Variants in ARHGAP9 observed in about 807,000 individuals in gnomAD.
ARHGAP9 encodes the protein Rho GTPase activating protein 9.
ARHGAP9 carries 76 observed loss-of-function variants against 87.3 expected under a neutral mutation model. That is an observed-to-expected ratio of 0.87 (90% CI 0.72 to 1.05). ARHGAP9 has a LOEUF of 1.05. Ranked by LOEUF, ARHGAP9 falls within the 50% of genes least tolerant of loss-of-function variation. The pLI, the probability that ARHGAP9 is intolerant of heterozygous loss-of-function variation, is 0.00. For missense variants in ARHGAP9, 941 were observed against 960.5 expected (o/e 0.98, Z 0.27); for synonymous variants, 382 against 394.9 (o/e 0.97, Z 0.39).
chr12:57,481,445 G>T (rs472895), upstream of ARHGAP9, among the ~76,000 whole-genome samples: 1 of 151,806 alleles, frequency 6.6e-6, no homozygotes, highest in Non-Finnish European at 1.5e-5. Flanking sequence ...TACAGACAGG[G>T]TTTCACTATG....
exon 1 of ARHGAP9, chr12:57,488,662 G>T: frequency 6.5e-7 from 1 of 1,549,748 alleles, no homozygotes; most frequent in South Asian, 1.2e-5. Flanking sequence ...AGGTTCTCTT[G>T]TAAGTCTTCT....
rs113026492 is a variant in ARHGAP9 at position 57,473,604 on chromosome 12, T to G, written c.2023A>C (p.Arg675=). Residue 675 remains arginine, a splice_region_variant and synonymous_variant, in exon 17 of 18, where the codon AGG becomes CGG. Transcript: ENST00000393791. ...ACAAAGAGGTTCTGTCTTCCTGACC[T>G]GCATAAATGCTCCAGGAGGTACCGT... The part of the protein sequence containing the change: ...TLRYLLEHLC[R]VIAHSDKNRM... The G allele has an allele frequency of 3.7e-6, 6 of 1,611,878 alleles. No homozygotes were observed. The highest frequency in any genetic ancestry group is 5.1e-6 in the Non-Finnish European group (6 of 1,178,056).
chr12:57,488,663 T>TA, exon 1 of ARHGAP9: 1 of 1,549,868 alleles, frequency 6.5e-7, no homozygotes, highest in Non-Finnish European at 8.7e-7. Context: ...GGTTCTCTTG[T>TA]AAGTCTTCTC....
intron 1 of ARHGAP9, among the ~76,000 whole-genome samples, chr12:57,485,554 C>G (rs11172230): frequency 7.9e-4 from 15 of 19,056 alleles, no homozygotes; most frequent in African/African-American, 2.1e-3. Context: ...AAGACTCCAT[C>G]TGAAAAAAAA....
chr12:57,488,209 C>G (rs1382602523), intron 1 of ARHGAP9: 4 of 1,604,196 alleles, frequency 2.5e-6, no homozygotes, highest in Non-Finnish European at 3.4e-6. Flanking sequence ...GGTACTCGTG[C>G]TGGTGCTGGT....
rs376421872 is a variant in ARHGAP9, at chr12:57,474,473, C to T, written c.1733G>A (p.Arg578His). 9.3e-6 allele frequency: 15 copies of T among 1,614,180 alleles called. No individual in the cohort carries two copies. The highest frequency in any genetic ancestry group is 3.3e-5 in the Admixed American group (2 of 60,014). ...QKLRFLVDRE[R>H]AVTSDGRYVF... ...ATACCTCCCATCGGAGGTGACCGCA[C>T]GCTCTGCAACATGAATGAGGAGAGA... is the stretch of plus-strand genomic sequence containing the variant. Residue 578 changes from arginine (R) to histidine (H), a missense_variant, in exon 15 of 18, where the codon CGT (arginine) becomes CAT (histidine). Arg to His is a conservative substitution (Grantham distance 29). Transcript: ENST00000393791.
intron 7 of ARHGAP9, 32 bp downstream of exon 7, chr12:57,476,558 G>A: frequency 1.2e-6 from 2 of 1,613,976 alleles, no homozygotes; most frequent in Non-Finnish European, 1.7e-6. Context: ...GGAGTTGACA[G>A]CCCAGGCCCT....
chr12:57,474,034 A>T lies in ARHGAP9; in HGVS notation c.1918+8T>A, dbSNP rs1872720328. ...ATCAAGGGTTCTTTCCAAAGCTCCA[A>T]CCCTTACCAAGGGCAGCACGGAAAT... On this transcript the variant is annotated splice_region_variant and intron_variant, in intron 16 of 17. Transcript: ENST00000393791. The T allele has an allele frequency of 3.1e-6, 5 of 1,612,838 alleles. No individual in the cohort carries two copies. Among genetic ancestry groups the T allele is most frequent in the Non-Finnish European group, 3.4e-6 (4 of 1,179,400 alleles).
At chr12:57,485,375 A>G (rs188738163) in intron 1 of ARHGAP9, among the ~76,000 whole-genome samples, 1 of 151,584 alleles carries the variant, frequency 6.6e-6, no homozygotes. Flanking sequence ...GGCCAACATG[A>G]TGAAACCCCG....
chr12:57,475,019 C>CA (rs1447198924), intron 12 of ARHGAP9, 46 bp from the exon 13 acceptor site: 1 of 1,579,182 alleles, frequency 6.3e-7, no homozygotes, highest in Non-Finnish European at 8.7e-7. Context: ...GCGTCACTCA[C>CA]AGGAGCTCTT....
Position 57,478,624 on chromosome 12 carries a change from G to A in ARHGAP9, c.450C>T (p.Pro150=). The stretch of plus-strand genomic sequence containing the variant: ...CTTCCTGGAAAGGCTTCAGAAGGCT[G>A]GGGCTCAGATTGTCAGTGCTGACGC... ...CRSVSTDNLS[P]SLLKPFQEGP... is the part of the protein sequence containing the mutation. The change falls in exon 3 of 18, where the codon CCC becomes CCT. Residue 150 remains proline, a synonymous_variant. Transcript: ENST00000393791. 1 of 1,614,118 alleles carries A rather than the reference G, an allele frequency of 6.2e-7. No homozygotes were observed. The highest frequency in any genetic ancestry group is 8.5e-7 in the Non-Finnish European group (1 of 1,180,020).
At chr12:57,486,656 C>T (rs1212001249) in intron 1 of ARHGAP9, among the ~76,000 whole-genome samples, 6 of 142,158 alleles carry the variant, frequency 4.2e-5, no homozygotes, top group Admixed American at 3.5e-4. Flanking sequence ...GAGGCTGAGG[C>T]GGGCGGATCA....
Position 57,476,464 on chromosome 12 carries a change from C to A in ARHGAP9, c.1026-10G>T. ...CGGGCCCCAGTTCTTCCTGCGGGGACAGAGAGGGGAGGTAGTGGTAGCGAA... is the reference window on the plus strand; with the variant it reads ...CGGGCCCCAGTTCTTCCTGCGGGGAAAGAGAGGGGAGGTAGTGGTAGCGAA... On this transcript the variant is annotated splice_polypyrimidine_tract_variant and intron_variant, in intron 7 of 17. Coordinates refer to ENST00000393791, the MANE Select transcript of ARHGAP9 (RefSeq NM_032496.4). The A allele has an allele frequency of 6.2e-7, 1 of 1,613,958 alleles. No individual in the cohort carries two copies. Among genetic ancestry groups the A allele is most frequent in the Non-Finnish European group, 8.5e-7 (1 of 1,179,986 alleles).
chr12:57,475,974 T>C, intron 9 of ARHGAP9, 43 bp from the exon 10 acceptor site: 1 of 1,578,370 alleles, frequency 6.3e-7, no homozygotes, highest in Non-Finnish European at 8.6e-7. Flanking sequence ...CGGGAAGGAG[T>C]ATAATAAGCA....
intron 7 of ARHGAP9, 65 bp from the exon 8 acceptor site, chr12:57,476,519 T>C: frequency 6.2e-7 from 1 of 1,612,114 alleles, no homozygotes; most frequent in Non-Finnish European, 8.5e-7. Flanking sequence ...ACGAGGAGGG[T>C]GCTCTTCCAA....
exon 1 of ARHGAP9, chr12:57,488,621 T>A (rs1430339113): frequency 6.4e-7 from 1 of 1,550,972 alleles, no homozygotes; most frequent in African/African-American, 1.4e-5. Context: ...CCTCTTCTCA[T>A]TCTCAGCCGA....
chr12:57,477,261 G>C lies in ARHGAP9; in HGVS notation c.765C>G (p.Gly255=), dbSNP rs766538599. 1.3e-6 allele frequency: 2 copies of C among 1,568,646 alleles called. No homozygotes were observed. Among genetic ancestry groups the C allele is most frequent in the Non-Finnish European group, 1.7e-6 (2 of 1,157,472 alleles). Residue 255 remains glycine, a synonymous_variant, in exon 5 of 18, where the codon GGC becomes GGG. Coordinates refer to ENST00000393791, the MANE Select transcript of ARHGAP9 (RefSeq NM_032496.4). ...PRRSRSETNP[G]SMEGTQTLKR... is the part of the protein sequence containing the mutation. ...TCAGGGTCTGTGTCCCCTCCATGGA[G>C]CCAGGGTTCTGGGTTAGGGGAGGAG...
chr12:57,477,162 G>A lies in ARHGAP9; in HGVS notation c.864C>T (p.Asp288=), dbSNP rs1170931218. The A allele has an allele frequency of 5.6e-6, 9 of 1,613,448 alleles. No homozygotes were observed. Among genetic ancestry groups the A allele is most frequent in the Non-Finnish European group, 7.6e-6 (9 of 1,179,684 alleles). Residue 288 remains aspartate, a synonymous_variant, in exon 5 of 18, where the codon GAC becomes GAT. Transcript: ENST00000393791. ...RSDTGTPEPL[D]PQGSLSLSQR... ...GAGATGGGAGGGATCTCACCTGTGG[G>A]TCAAGCGGTTCTGGGGTCCCTGTGT...
Position 57,478,729 on chromosome 12 carries a change from C to T in ARHGAP9, c.345G>A (p.Glu115=), listed in dbSNP as rs758737661. 2 of 1,610,702 alleles carry T rather than the reference C, an allele frequency of 1.2e-6. No homozygotes were observed. Among genetic ancestry groups the T allele is most frequent in the East Asian group, 2.2e-5 (1 of 44,772 alleles). Residue 115 remains glutamate (E), a synonymous_variant, in exon 3 of 18, where the codon GAG becomes GAA. Coordinates refer to ENST00000393791, the MANE Select transcript of ARHGAP9 (RefSeq NM_032496.4). ...TGCTTGGGAGGGCCTGAGACAACTC[C>T]TCCAGGGAACCATGAAACAACTTCG... ...PGPKLFHGSL[E]ELSQALPSRA... is the part of the protein sequence containing the mutation.
Sources: allele counts gnomAD v4.1 joint callset (sites outside exome capture counted in the v4.1 genomes callset), GRCh38; gene constraint gnomAD v4.1.1; transcripts MANE v1.5; gene names NCBI Gene and HGNC (gene_info 2026-07-23, HGNC 2026-07-21).